Variants in WFDC1 observed in about 807,000 individuals in gnomAD.
WFDC1 encodes the protein WAP four-disulfide core domain 1, also known as WAP four-disulfide core domain protein 1.
In WFDC1, 39 loss-of-function variants were observed where a neutral mutation model predicts 32.9. The observed-to-expected ratio is 1.19, with a 90% CI of 0.92 to 1.55. WFDC1 has a LOEUF of 1.55. WFDC1 is among the 40% of genes most tolerant of loss of function. The probability of loss-of-function intolerance (pLI) is 0.00; values close to 1 mark genes in which losing one functional copy is unlikely to be tolerated. For synonymous variants in WFDC1, 184 were observed against 137.4 expected, an observed-to-expected ratio of 1.34 and a Z score of -2.37; for missense variants, 386 against 309.5, an observed-to-expected ratio of 1.25 and a Z score of -1.85.
chr16:84,308,476 C>T (rs554039409), intron 1 of WFDC1, among the ~76,000 whole-genome samples: 5 of 152,316 alleles, frequency 3.3e-5, no homozygotes, highest in African/African-American at 4.8e-5. Context: ...AGAAACATCC[C>T]GACGAGTCTG....
chr16:84,319,549 C>T lies in WFDC1; in HGVS notation c.540C>T (p.Cys180=), dbSNP rs140282194. The change falls in exon 4 of 7, where the codon TGC becomes TGT. Residue 180 remains cysteine, a synonymous_variant. Transcript: ENST00000219454. The stretch of plus-strand genomic sequence containing the variant: ...AAGGTATCCCCAACCGTGGGCAGTG[C>T]GTCAAGCAGCGCCGGCAAGCAGGTG... The part of the protein sequence containing the change: ...VAEGIPNRGQ[C]VKQRRQADGR... The T allele has an allele frequency of 2.5e-5, 41 of 1,612,586 alleles. No homozygotes were observed. Among genetic ancestry groups the T allele is most frequent in the African/African-American group, 8.0e-5 (6 of 74,904 alleles).
rs1907265683 is a variant in WFDC1 at position 84,306,466 on chromosome 16, C to T, written c.145-6495C>T. 2.6e-5 allele frequency among the ~76,000 whole-genome samples: 4 copies of T among 152,324 alleles called. No individual in the cohort carries two copies. In the South Asian group the frequency reaches 8.3e-4, roughly 32 times the overall value. Reference sequence around the variant, plus strand: ...AGGAGGAGCAGCGAATCCTCAGAAACTGAGGATGGCCGAGTCCAGCTTTAC... The same window carrying T: ...AGGAGGAGCAGCGAATCCTCAGAAATTGAGGATGGCCGAGTCCAGCTTTAC... On this transcript the variant is annotated intron_variant, in intron 1 of 6. Coordinates refer to ENST00000219454, the MANE Select transcript of WFDC1 (RefSeq NM_021197.4).
chr16:84,313,088 G>T lies in WFDC1; in HGVS notation c.272G>T (p.Arg91Leu). 7.0e-7 allele frequency: 1 copy of T among 1,426,598 alleles called. No individual in the cohort carries two copies. 88.4% of individuals were successfully genotyped at this position (1,426,598 alleles called of 1,614,324 possible). ...TGTCAGGCGGACTCCGAGTGCCCGC[G>T]GCACCGGCGCTGCTGCTACAACGGA... ...ARCQADSECP[R>L]HRRCCYNGCA... Residue 91 changes from arginine to leucine, a missense_variant, in exon 2 of 7, where the codon CGG becomes CTG. Arg to Leu is a moderately radical substitution (Grantham distance 102, BLOSUM62 -2). Transcript: ENST00000219454.
At position 84,311,374 on chromosome 16, in the gene WFDC1, C is replaced by T. The variant is rs542322295; in HGVS notation, c.145-1587C>T. Among the ~76,000 whole-genome samples, 221 of 138,222 alleles carry T rather than the reference C, an allele frequency of 1.6e-3. 1 individual carries two copies. Among genetic ancestry groups the T allele is most frequent in the African/African-American group, 5.3e-3 (196 of 36,898 alleles). 90.7% of individuals were successfully genotyped at this position (138,222 alleles called of 152,430 possible). On this transcript the variant is annotated intron_variant, in intron 1 of 6. Coordinates refer to ENST00000219454, the MANE Select transcript of WFDC1 (RefSeq NM_021197.4). Reference sequence around the variant, plus strand: ...ATTCTCCTACAGGTGCTCGCCACCACGCCCGGCTAATTTTTTTTCTTTTTT... The same window carrying T: ...ATTCTCCTACAGGTGCTCGCCACCATGCCCGGCTAATTTTTTTTCTTTTTT...
Position 84,326,864 on chromosome 16 carries a change from G to T in WFDC1, c.605-18G>T, listed in dbSNP as rs757685507. On this transcript the variant is annotated intron_variant, in intron 5 of 6. Coordinates refer to ENST00000219454, the MANE Select transcript of WFDC1 (RefSeq NM_021197.4). ...GAATAGATACATCTACCCCAACAGA[G>T]CTGTGTTCTTTTCACAGAAGGTGAC... The T allele has an allele frequency of 6.2e-7, 1 of 1,614,040 alleles. No individual in the cohort carries two copies. The highest frequency in any genetic ancestry group is 1.1e-5 in the South Asian group (1 of 91,074).
In WFDC1 at chr16:84,309,381, C is replaced by A. The variant is rs550599937; in HGVS notation, c.145-3580C>A. Among the ~76,000 whole-genome samples, 4 of 152,200 alleles carry A rather than the reference C, an allele frequency of 2.6e-5. No homozygotes were observed. In the South Asian group the frequency reaches 8.3e-4, roughly 32 times the overall value. On this transcript the variant is annotated intron_variant, in intron 1 of 6. Coordinates refer to ENST00000219454, the MANE Select transcript of WFDC1 (RefSeq NM_021197.4). ...CTGGGGCCTTGGAGCACAGAGGTGA[C>A]CAAATCCACAGGTGCCTTTCATAAA...
At chr16:84,305,958 G>C (rs565222423) in intron 1 of WFDC1, among the ~76,000 whole-genome samples, 19 of 151,718 alleles carry the variant, frequency 1.3e-4, no homozygotes, top group Non-Finnish European at 2.5e-4. Flanking sequence ...AGCTGAGATC[G>C]TGCCCTTGCA....
intron 4 of WFDC1, 95 bp downstream of exon 4, chr16:84,319,666 A>G: frequency 1.3e-6 from 2 of 1,503,516 alleles, no homozygotes; most frequent in Non-Finnish European, 8.9e-7. Context: ...TGCCCCAGGA[A>G]GCAGCCCCAG....
intron 2 of WFDC1, 106 bp from the exon 3 acceptor site, chr16:84,318,166 T>A: frequency 1.0e-6 from 1 of 978,068 alleles, no homozygotes; most frequent in Non-Finnish European, 1.6e-6. Context: ...ATTTCTCCCA[T>A]GGGGAGCCTC....
chr16:84,317,025 G>C (rs563504178), intron 2 of WFDC1: 32 of 151,968 alleles, frequency 2.1e-4, no homozygotes, highest in African/African-American at 7.7e-4. Context: ...GGGTGCAGTG[G>C]CTCACTCCTG....
chr16:84,304,120 T>G (rs1907105745), intron 1 of WFDC1, among the ~76,000 whole-genome samples: 1 of 152,230 alleles, frequency 6.6e-6, no homozygotes, highest in Non-Finnish European at 1.5e-5. Flanking sequence ...GAATCTGGAC[T>G]TGGACTTGCT....
intron 2 of WFDC1, among the ~76,000 whole-genome samples, chr16:84,314,996 C>A (rs1019036512): frequency 6.6e-6 from 1 of 152,256 alleles, no homozygotes; most frequent in African/African-American, 2.4e-5. Context: ...TGTGTCACAA[C>A]TGAAGCTCAG....
At chr16:84,318,541 A>G (rs1447826792) in intron 3 of WFDC1, 186 bp downstream of exon 3, 7 of 599,258 alleles carry the variant, frequency 1.2e-5, no homozygotes, top group South Asian at 7.3e-5. Flanking sequence ...CTTGGCCAGA[A>G]TCAAAGCCCA....
Position 84,297,638 on chromosome 16 carries a change from A to C in WFDC1, c.144+2523A>C, listed in dbSNP as rs1026079481. The stretch of plus-strand genomic sequence containing the variant: ...GTCTCAAAAAAAAAAAAAAAAAAAA[A>C]AAAAAAAAACTGTGCCTCAGAGAAA... On this transcript the variant is annotated intron_variant, in intron 1 of 6. Transcript: ENST00000219454. 2.3e-4 allele frequency among the ~76,000 whole-genome samples: 34 copies of C among 148,866 alleles called. 1 individual carries two copies. The highest frequency in any genetic ancestry group is 7.4e-4 in the African/African-American group (30 of 40,790).
chr16:84,309,242 A>C (rs1188144936), intron 1 of WFDC1, among the ~76,000 whole-genome samples: 2 of 152,094 alleles, frequency 1.3e-5, no homozygotes, highest in African/African-American at 4.8e-5. Context: ...AGATGAGGCC[A>C]ATGTATCCTA....
At chr16:84,296,266 A>C (rs1209892502) in intron 1 of WFDC1, among the ~76,000 whole-genome samples, 1 of 152,166 alleles carries the variant, frequency 6.6e-6, no homozygotes, top group Non-Finnish European at 1.5e-5. Flanking sequence ...CTTTCAATCA[A>C]ATAATTGTGA....
chr16:84,321,384 G>A (rs377668255), intron 4 of WFDC1, among the ~76,000 whole-genome samples: 2 of 152,174 alleles, frequency 1.3e-5, no homozygotes, highest in South Asian at 2.1e-4. Context: ...AGGTAAAACC[G>A]CAAGGGCCTG....
intron 1 of WFDC1, among the ~76,000 whole-genome samples, chr16:84,308,852 CCAGCCTGGGT>C (rs1212351276): frequency 6.6e-6 from 1 of 151,222 alleles, no homozygotes; most frequent in African/African-American, 2.4e-5. Flanking sequence ...GGTGTAGATG[CCAGCCTGGGT>C]GTAGACGCCA....
chr16:84,324,812 C>T (rs576808302), intron 5 of WFDC1, among the ~76,000 whole-genome samples: 2 of 152,298 alleles, frequency 1.3e-5, no homozygotes, highest in South Asian at 4.2e-4. Flanking sequence ...ATTATTTCAT[C>T]CATCCATTCA....
Sources: allele counts gnomAD v4.1 joint callset (sites outside exome capture counted in the v4.1 genomes callset), GRCh38; gene constraint gnomAD v4.1.1; transcripts MANE v1.5; gene names NCBI Gene and HGNC (gene_info 2026-07-23, HGNC 2026-07-21).